PLOD3: variants seen among roughly 807,000 people sequenced by gnomAD.
The protein encoded by PLOD3 is procollagen-lysine,2-oxoglutarate 5-dioxygenase 3, also known as multifunctional procollagen lysine hydroxylase and glycosyltransferase LH3.
PLOD3 carries 73 observed loss-of-function variants against 96.9 expected under a neutral mutation model. The observed-to-expected ratio is 0.75, with a 90% CI of 0.62 to 0.92. PLOD3 has a LOEUF of 0.92. Among genes scored for constraint, PLOD3 ranks in the 40% least tolerant of loss-of-function variants. PLOD3 has a pLI of 0.00. For synonymous variants in PLOD3, 454 were observed against 413.7 expected, an observed-to-expected ratio of 1.10 and a Z score of -1.18; for missense variants, 1,004 against 1,004.3, an observed-to-expected ratio of 1.00 and a Z score of 0.00.
Position 101,212,393 on chromosome 7 carries a change from G to A in PLOD3, c.1006-19C>T. 7 of 1,612,886 alleles carry A rather than the reference G, an allele frequency of 4.3e-6. No individual in the cohort carries two copies. The highest frequency in any genetic ancestry group is 5.9e-6 in the Non-Finnish European group (7 of 1,179,538). On this transcript the variant is annotated intron_variant, in intron 9 of 18. Coordinates refer to ENST00000223127, the MANE Select transcript of PLOD3 (RefSeq NM_001084.5). The stretch of plus-strand genomic sequence containing the variant: ...AGACCTCCTGGGAGGGGAAGACATA[G>A]GGGGATGGGCTCAGAGGGCAGGGAG...
At chr7:101,206,732 G>C (rs758811054) in intron 18 of PLOD3, 47 bp downstream of exon 18, 1 of 1,558,762 alleles carries the variant, frequency 6.4e-7, no homozygotes, top group Admixed American at 1.9e-5. Context: ...GTGGGGACCC[G>C]AGGGTCCTGA....
At chr7:101,214,079 C>T (rs1798230733) in intron 6 of PLOD3, among the ~76,000 whole-genome samples, 4 of 151,430 alleles carry the variant, frequency 2.6e-5, no homozygotes, top group Non-Finnish European at 5.9e-5. Context: ...ATGATCTGCC[C>T]GCCTCAGCCT....
chr7:101,212,225 C>T (rs1584253345), intron 10 of PLOD3, 28 bp downstream of exon 10: 4 of 1,609,690 alleles, frequency 2.5e-6, no homozygotes, highest in Non-Finnish European at 3.4e-6. Flanking sequence ...CTCATCCCAC[C>T]CTCTCCTCCC....
intron 14 of PLOD3, 33 bp from the exon 15 acceptor site, chr7:101,210,194 G>A (rs1248400764): frequency 1.3e-6 from 2 of 1,539,772 alleles, no homozygotes; most frequent in Non-Finnish European, 1.8e-6. Context: ...TCAGATCTGT[G>A]CCCCCCTCGC....
chr7:101,213,158 G>A lies in PLOD3; in HGVS notation c.726C>T (p.Asn242=), dbSNP rs780897534. 6 of 1,613,718 alleles carry A rather than the reference G, an allele frequency of 3.7e-6. No individual in the cohort carries two copies. The highest frequency in any genetic ancestry group is 1.7e-5 in the Admixed American group (1 of 59,992). ...CAATGGGGAGCGTGTCGTAGGCCAC[G>A]TTCCGGATACGCACACGGTTCCGAT... ...KFDRNRVRIR[N]VAYDTLPIVV... Residue 242 remains asparagine, a synonymous_variant, in exon 7 of 19, where the codon AAC becomes AAT. Coordinates refer to ENST00000223127, the MANE Select transcript of PLOD3 (RefSeq NM_001084.5).
At chr7:101,207,856 C>T in intron 16 of PLOD3, 132 bp from the exon 17 acceptor site, 1 of 991,112 alleles carries the variant, frequency 1.0e-6, no homozygotes, top group Non-Finnish European at 1.5e-6. Flanking sequence ...GTCTTCTTTG[C>T]TACTTCTCGG....
rs1349701338 is a variant in PLOD3 at position 101,216,248 on chromosome 7, A to G, written c.417T>C (p.Ser139=). The change falls in exon 4 of 19, where the codon TCT becomes TCC. Residue 139 remains serine (S), a synonymous_variant. Transcript: ENST00000223127. ...ACTCGGGCCAGCAGAAGCTCTCTGC[A>G]GAGAAGAGCAGGCGGCTGCCACTCT... ...FVQSGSRLLF[S]AESFCWPEWG... The G allele has an allele frequency of 3.1e-6, 5 of 1,613,610 alleles. No homozygotes were observed. The highest frequency in any genetic ancestry group is 4.2e-6 in the Non-Finnish European group (5 of 1,180,002).
intron 2 of PLOD3, 63 bp from the exon 3 acceptor site, chr7:101,216,609 A>T (rs1798279943): frequency 1.2e-5 from 20 of 1,611,602 alleles, no homozygotes; most frequent in Non-Finnish European, 1.7e-5. Flanking sequence ...ACTCCTGACC[A>T]GGCTTACCGT....
intron 5 of PLOD3, among the ~76,000 whole-genome samples, chr7:101,215,575 T>A (rs1351966687): frequency 2.0e-5 from 3 of 152,096 alleles, no homozygotes; most frequent in Non-Finnish European, 4.4e-5. Flanking sequence ...GTGCAAAACA[T>A]CCTCAAACTC....
rs772738908 is a variant in PLOD3, at chr7:101,213,165, A to T, written c.719T>A (p.Ile240Asn). The T allele has an allele frequency of 6.2e-7, 1 of 1,613,842 alleles. No individual in the cohort carries two copies. Among genetic ancestry groups the T allele is most frequent in the Non-Finnish European group, 8.5e-7 (1 of 1,179,808 alleles). ...GAGCGTGTCGTAGGCCACGTTCCGG[A>T]TACGCACACGGTTCCGATCAAACTT... ...VLKFDRNRVR[I>N]RNVAYDTLPI... Residue 240 changes from isoleucine (I) to asparagine (N), a missense_variant, in exon 7 of 19, where the codon ATC (isoleucine) becomes AAC (asparagine). Physicochemically the swap from Ile to Asn is moderately radical, Grantham distance 149 (BLOSUM62 -3). This residue lies in a region of PLOD3 where 690 missense variants were observed against 650.2 expected (regional missense o/e 1.06). Transcript: ENST00000223127.
intron 4 of PLOD3, 49 bp from the exon 5 acceptor site, chr7:101,216,069 C>T: frequency 1.2e-6 from 2 of 1,605,190 alleles, no homozygotes; most frequent in Middle Eastern, 3.3e-4. Flanking sequence ...GGTCCCAGGG[C>T]CTGTCCCCCA....
chr7:101,206,506 G>A (rs1255578330), intron 18 of PLOD3, 70 bp from the exon 19 acceptor site: 3 of 1,450,996 alleles, frequency 2.1e-6, no homozygotes, highest in Non-Finnish European at 2.8e-6. Context: ...AGATACACGG[G>A]GCAGGGCGGC....
rs1798294294 is a variant in PLOD3 at position 101,217,263 on chromosome 7, CGAG to C, written c.9_11del (p.Ser4del). The C allele has an allele frequency of 1.3e-6, 2 of 1,486,078 alleles. No individual in the cohort carries two copies. Among genetic ancestry groups the C allele is most frequent in the South Asian group, 2.6e-5 (2 of 76,058 alleles). The allele number at this position is 1,486,078 out of a possible 1,614,324, so 92.1% of individuals were successfully genotyped here. ...GCAGCAGGAACCGGGGTCCAGGCCC[CGAG>C]GAGGTCATGGTGGGGAGCGGGCCCA... On this transcript the variant is annotated inframe_deletion, in exon 1 of 19. Transcript: ENST00000223127.
rs199791212 is a variant in PLOD3, at chr7:101,206,341, G to A, written c.2157C>T (p.His719=). 7.2e-5 allele frequency: 116 copies of A among 1,613,934 alleles called. No homozygotes were observed. The highest frequency in any genetic ancestry group is 3.9e-4 in the African/African-American group (29 of 75,064). The change falls in exon 19 of 19, where the codon CAC becomes CAT. Residue 719 remains histidine, a synonymous_variant. Transcript: ENST00000223127. Reference sequence around the variant, plus strand: ...TGCCCCAGGTCGTTGGCAGCCCCTCGTGGTAGTGGGTGAGGCGGCCGGGGT... The same window carrying A: ...TGCCCCAGGTCGTTGGCAGCCCCTCATGGTAGTGGGTGAGGCGGCCGGGGT... ...LLHPGRLTHY[H]EGLPTTWGTR...
At chr7:101,215,008 T>C (rs1216527457) in intron 6 of PLOD3, 81 bp downstream of exon 6, 1 of 1,052,696 alleles carries the variant, frequency 9.5e-7, no homozygotes, top group Non-Finnish European at 1.5e-6. Context: ...TCAGCCCAGC[T>C]CCTCCAGAAG....
Position 101,216,204 on chromosome 7 carries a change from T to G in PLOD3, c.461A>C (p.Tyr154Ser). 6.2e-7 allele frequency: 1 copy of G among 1,613,886 alleles called. No homozygotes were observed. The highest frequency in any genetic ancestry group is 8.5e-7 in the Non-Finnish European group (1 of 1,179,996). The change falls in exon 4 of 19, where the codon TAC becomes TCC. Residue 154 changes from tyrosine (Y) to serine (S), a missense_variant. By Grantham distance (144) the Tyr-to-Ser change is moderately radical. Around this residue, in one of 5 missense-constraint regions of PLOD3, gnomAD observed 690 missense variants for 650.2 expected, o/e 1.06. Coordinates refer to ENST00000223127, the MANE Select transcript of PLOD3 (RefSeq NM_001084.5). The stretch of plus-strand genomic sequence containing the variant: ...GCGCTTCCCCGTGCCCACCTCAGGG[T>G]ACTGCTCCGCCAGCCCCCACTCGGG... The part of the protein sequence containing the change: ...CWPEWGLAEQ[Y>S]PEVGTGKRFL...
chr7:101,217,141 G>A (rs1363904471), intron 1 of PLOD3, 25 bp downstream of exon 1: 4 of 1,448,492 alleles, frequency 2.8e-6, no homozygotes, highest in Non-Finnish European at 3.6e-6. Flanking sequence ...CCCCTCGGCC[G>A]TGCCGGGCCT....
intron 2 of PLOD3, 44 bp downstream of exon 2, chr7:101,216,651 C>G: frequency 1.2e-6 from 2 of 1,606,222 alleles, no homozygotes; most frequent in Non-Finnish European, 1.7e-6. Context: ...TCAGCCCACC[C>G]CTCCTGCTGG....
Position 101,211,721 on chromosome 7 carries a change from G to T in PLOD3, c.1233-5C>A. ...AGCATGGGGGCGATCACCTTCCTGC[G>T]GACAGGTGGGGGTGAGGGCTGGGCA... On this transcript the variant is annotated splice_region_variant and splice_polypyrimidine_tract_variant and intron_variant, in intron 11 of 18. Coordinates refer to ENST00000223127, the MANE Select transcript of PLOD3 (RefSeq NM_001084.5). The T allele has an allele frequency of 6.2e-7, 1 of 1,601,558 alleles. No homozygotes were observed. Among genetic ancestry groups the T allele is most frequent in the Non-Finnish European group, 8.5e-7 (1 of 1,174,962 alleles).
Sources: gnomAD v4.1 joint callset for allele counts (sites outside exome capture counted in the v4.1 genomes callset) on GRCh38, gnomAD v4.1.1 for gene constraint, gnomAD v4.1.1 regional missense constraint, MANE v1.5 for transcripts, NCBI Gene and HGNC (gene_info 2026-07-23, HGNC 2026-07-21) for gene names.